Variants in KRT8 observed in about 807,000 individuals in gnomAD.
KRT8 encodes keratin 8.
KRT8 carries 24 observed loss-of-function variants against 43.0 expected under a neutral mutation model. The observed-to-expected ratio is 0.56, with a 90% CI of 0.40 to 0.78. The LOEUF is 0.78. Ranked by LOEUF, KRT8 falls within the 30% of genes least tolerant of loss-of-function variation. The pLI, the probability that KRT8 is intolerant of heterozygous loss-of-function variation, is 0.00. For synonymous variants in KRT8, 214 were observed against 261.2 expected, an observed-to-expected ratio of 0.82 and a Z score of 1.74; for missense variants, 492 against 638.4, an observed-to-expected ratio of 0.77 and a Z score of 2.47.
At chr12:52,916,462 T>C (rs1941742845) in intron 2 of KRT8, among the ~76,000 whole-genome samples, 1 of 152,340 alleles carries the variant, frequency 6.6e-6, no homozygotes, top group East Asian at 1.9e-4. Context: ...GACTGTTCCA[T>C]GCACTTGCCA....
chr12:52,933,039 G>A (rs1473905622), intron 2 of KRT8, among the ~76,000 whole-genome samples: 2 of 152,128 alleles, frequency 1.3e-5, no homozygotes, highest in Non-Finnish European at 2.9e-5. Flanking sequence ...TGCCTCCCAG[G>A]TTCAAGGGAT....
exon 3 of KRT8, chr12:52,901,215 C>T: frequency 1.2e-6 from 2 of 1,610,750 alleles, no homozygotes; most frequent in Non-Finnish European, 1.7e-6. Flanking sequence ...ATCTCATCCT[C>T]ATACCTGTGA....
At chr12:52,921,554 T>C (rs961587129) in intron 2 of KRT8, among the ~76,000 whole-genome samples, 4 of 152,134 alleles carry the variant, frequency 2.6e-5, no homozygotes, top group Non-Finnish European at 4.4e-5. Context: ...TCTTCACTTA[T>C]GCAGTGCACA....
chr12:52,948,822 C>T, intron 2 of KRT8: 1 of 411,092 alleles, frequency 2.4e-6, no homozygotes, highest in Non-Finnish European at 4.2e-6. Context: ...GCCAGCACCT[C>T]CTCCACCTGG....
upstream of KRT8, among the ~76,000 whole-genome samples, chr12:52,911,506 G>A (rs1184921819): frequency 6.6e-6 from 1 of 152,192 alleles, no homozygotes; most frequent in African/African-American, 2.4e-5. Context: ...CAGACATATA[G>A]TCACTTATTC....
intron 2 of KRT8, among the ~76,000 whole-genome samples, chr12:52,920,698 A>G (rs755794890): frequency 7.2e-5 from 11 of 152,256 alleles, no homozygotes; most frequent in Non-Finnish European, 1.6e-4. Flanking sequence ...CAGGCACTCC[A>G]CCAGTATATG....
intron 2 of KRT8, among the ~76,000 whole-genome samples, chr12:52,920,477 A>C (rs1941860136): frequency 6.6e-6 from 1 of 152,194 alleles, no homozygotes; most frequent in African/African-American, 2.4e-5. Flanking sequence ...CATGCCTGTA[A>C]TCCCAGCTAC....
intron 2 of KRT8, among the ~76,000 whole-genome samples, chr12:52,934,506 G>T (rs1942134844): frequency 6.6e-6 from 1 of 152,166 alleles, no homozygotes; most frequent in African/African-American, 2.4e-5. Context: ...GTTGGAGTGA[G>T]CTGAGATCAA....
intron 2 of KRT8, among the ~76,000 whole-genome samples, chr12:52,917,472 C>A (rs1414677047): frequency 2.0e-5 from 3 of 151,780 alleles, no homozygotes; most frequent in African/African-American, 7.3e-5. Context: ...CTCTGGGAGG[C>A]CGAGGGGGGC....
chr12:52,943,202 C>T (rs768859499), intron 2 of KRT8, among the ~76,000 whole-genome samples: 4 of 152,142 alleles, frequency 2.6e-5, no homozygotes, highest in Non-Finnish European at 4.4e-5. Context: ...TTCTCCTGTC[C>T]GTCGCTGATA....
intron 2 of KRT8, among the ~76,000 whole-genome samples, chr12:52,942,523 G>A (rs767956994): frequency 4.6e-5 from 7 of 152,006 alleles, no homozygotes; most frequent in Non-Finnish European, 1.0e-4. Flanking sequence ...CCCATCTCAC[G>A]CTCCTGTGCT....
intron 2 of KRT8, among the ~76,000 whole-genome samples, chr12:52,918,025 A>AGG (rs1941780598): frequency 2.2e-5 from 1 of 45,886 alleles, no homozygotes; most frequent in Non-Finnish European, 4.2e-5. Flanking sequence ...GGAGAAGAAG[A>AGG]AGAGGAGGAG....
intron 2 of KRT8, chr12:52,949,104 C>T: frequency 7.4e-7 from 1 of 1,344,880 alleles, no homozygotes; most frequent in Non-Finnish European, 1.0e-6. Context: ...ACTCGGGTCG[C>T]GCGGCTCGCG....
intron 2 of KRT8, chr12:52,947,887 G>C (rs1454817186): frequency 6.6e-6 from 1 of 151,800 alleles, no homozygotes; most frequent in East Asian, 1.9e-4. Context: ...AGAGATTTTT[G>C]GTCTCTTTTG....
chr12:52,943,466 T>C (rs115582534), intron 2 of KRT8, among the ~76,000 whole-genome samples: 1,910 of 152,218 alleles, frequency 0.013, 45 homozygotes, highest in African/African-American at 0.043. Context: ...CTCTTTCTCC[T>C]CTTCTCCCTC....
chr12:52,938,172 T>TATATATATATATA (rs1565733045), intron 2 of KRT8, among the ~76,000 whole-genome samples: 15 of 22,384 alleles, frequency 6.7e-4, no homozygotes, highest in African/African-American at 2.4e-3. Flanking sequence ...ATATATATAT[T>TATATATATATATA]TTTTTTTTTT....
In KRT8 at chr12:52,937,636, C is replaced by T. The variant is rs1431344505; in HGVS notation, c.-47+11820G>A. Among the ~76,000 whole-genome samples, 5 of 149,434 alleles carry T rather than the reference C, an allele frequency of 3.3e-5. No individual in the cohort carries two copies. In the East Asian group the frequency reaches 9.8e-4, roughly 29 times the overall value. Reference sequence around the variant, plus strand: ...CCGGGAGGCAAATGTTGCAGTGAACCAAGATCCCGCCACTGTACTCCAGCC... The same window carrying T: ...CCGGGAGGCAAATGTTGCAGTGAACTAAGATCCCGCCACTGTACTCCAGCC... On this transcript the variant is annotated intron_variant, in intron 2 of 6. Coordinates refer to the KRT8 transcript ENST00000546826.
At chr12:52,929,311 C>T (rs1942046915) in intron 2 of KRT8, among the ~76,000 whole-genome samples, 1 of 151,804 alleles carries the variant, frequency 6.6e-6, no homozygotes, top group Non-Finnish European at 1.5e-5. Context: ...CTTGCCTCAA[C>T]CTCCTGAGTA....
chr12:52,943,950 C>T (rs1002788475), intron 2 of KRT8, among the ~76,000 whole-genome samples: 10 of 152,300 alleles, frequency 6.6e-5, no homozygotes, highest in African/African-American at 2.4e-4. Context: ...TCTTAGCCAC[C>T]CTGCCCTGAG....
Sources: allele counts gnomAD v4.1 joint callset (sites outside exome capture counted in the v4.1 genomes callset), GRCh38; gene constraint gnomAD v4.1.1; transcripts MANE v1.5; gene names NCBI Gene and HGNC (gene_info 2026-07-23, HGNC 2026-07-21).